CHCHD6: variants seen among roughly 807,000 people sequenced by gnomAD.
The protein encoded by CHCHD6 is MICOS complex subunit MIC25.
CHCHD6 carries 28 observed loss-of-function variants against 32.3 expected under a neutral mutation model. That is an observed-to-expected ratio of 0.87 (90% CI 0.64 to 1.19). The LOEUF (loss-of-function observed/expected upper bound fraction) is 1.19, where lower values mean the gene tolerates loss of function less well. Ranked by LOEUF, CHCHD6 falls within the 50% of genes most tolerant of loss-of-function variation. The pLI is 0.00. For missense variants in CHCHD6, 333 were observed against 307.0 expected (o/e 1.08, Z -0.63); for synonymous variants, 122 against 117.5 (o/e 1.04, Z -0.25).
intron 5 of CHCHD6, among the ~76,000 whole-genome samples, chr3:126,892,511 T>C (rs2107578788): frequency 6.6e-6 from 1 of 152,334 alleles, no homozygotes; most frequent in Admixed American, 6.5e-5. Context: ...GACTTAGAGC[T>C]GCTTCAGCGT....
intron 6 of CHCHD6, among the ~76,000 whole-genome samples, chr3:126,939,969 T>C (rs568893018): frequency 4.2e-4 from 64 of 152,294 alleles, no homozygotes; most frequent in African/African-American, 1.4e-3. Context: ...AAATCTCTCC[T>C]GGAACTGTGC....
Position 126,730,638 on chromosome 3 carries a change from C to T in CHCHD6, c.266+8C>T, listed in dbSNP as rs747673134. The T allele has an allele frequency of 2.2e-5, 36 of 1,612,662 alleles. No homozygotes were observed. In the Admixed American group the frequency reaches 3.5e-4, roughly 16 times the overall value. ...GAAGGAGGGTGTCAAGAGGTGAGCC[C>T]GAGAGCCTGCTTGCTCCCGGCACTG... On this transcript the variant is annotated splice_region_variant and intron_variant, in intron 3 of 7. Coordinates refer to ENST00000290913, the MANE Select transcript of CHCHD6 (RefSeq NM_032343.3).
At chr3:126,831,841 A>G (rs1039723519) in intron 4 of CHCHD6, among the ~76,000 whole-genome samples, 1 of 152,178 alleles carries the variant, frequency 6.6e-6, no homozygotes, top group Non-Finnish European at 1.5e-5. Context: ...TCCAGATGAG[A>G]AGATCGTTGG....
chr3:126,838,653 G>T (rs1011394104), intron 4 of CHCHD6, among the ~76,000 whole-genome samples: 1 of 152,206 alleles, frequency 6.6e-6, no homozygotes, highest in African/African-American at 2.4e-5. Context: ...TTCTTCTTCA[G>T]ACTCATAGTA....
rs902886175 is a variant in CHCHD6 at position 126,823,069 on chromosome 3, C to A, written c.412-29578C>A. On this transcript the variant is annotated intron_variant, in intron 4 of 7. Transcript: ENST00000290913. ...TACAGGCACACATCACCACACCCTG[C>A]CAGTTGTTTTGTTTTGTTTTGTTTG... Among the ~76,000 whole-genome samples, 86 of 152,038 alleles carry A rather than the reference C, an allele frequency of 5.7e-4. 1 individual carries two copies. The highest frequency in any genetic ancestry group is 2.4e-4 in the Non-Finnish European group (16 of 67,946).
intron 5 of CHCHD6, among the ~76,000 whole-genome samples, chr3:126,913,967 C>T (rs1276227016): frequency 1.3e-5 from 2 of 152,230 alleles, no homozygotes; most frequent in African/African-American, 2.4e-5. Context: ...GCCTTCCCTC[C>T]ACAAACCTGG....
intron 1 of CHCHD6, among the ~76,000 whole-genome samples, chr3:126,710,230 C>T (rs565702654): frequency 1.3e-5 from 2 of 152,260 alleles, no homozygotes; most frequent in South Asian, 4.1e-4. Flanking sequence ...ATCTTGGAAC[C>T]TTTGTGAAAA....
intron 4 of CHCHD6, among the ~76,000 whole-genome samples, chr3:126,837,772 G>A (rs909925203): frequency 4.6e-5 from 7 of 152,154 alleles, no homozygotes; most frequent in Non-Finnish European, 7.3e-5. Context: ...CAATATCTAG[G>A]TGTTGCTAAG....
intron 5 of CHCHD6, chr3:126,865,683 TC>T: frequency 4.1e-6 from 4 of 985,322 alleles, no homozygotes; most frequent in Non-Finnish European, 4.8e-6. Context: ...TGCCCCCACT[TC>T]CATTACCACC....
In CHCHD6 at chr3:126,804,241, A is replaced by G. The variant is rs114233263; in HGVS notation, c.412-48406A>G. ...AGCAGAACTGGAGGAAATAGAGACA[A>G]AAAAACCCTTCGAAAAATTAATGAA... On this transcript the variant is annotated intron_variant, in intron 4 of 7. Coordinates refer to ENST00000290913, the MANE Select transcript of CHCHD6 (RefSeq NM_032343.3). Among the ~76,000 whole-genome samples the G allele has an allele frequency of 4.1e-3, 622 of 152,292 alleles. 7 individuals carry two copies. The highest frequency in any genetic ancestry group is 0.015 in the African/African-American group (606 of 41,550).
chr3:126,739,722 C>CT (rs998742268), intron 4 of CHCHD6, among the ~76,000 whole-genome samples: 24 of 152,062 alleles, frequency 1.6e-4, no homozygotes, highest in East Asian at 3.9e-4. Context: ...TTTCATTTGG[C>CT]TTTTTTTTAA....
intron 5 of CHCHD6, among the ~76,000 whole-genome samples, chr3:126,874,753 T>G (rs2077518499): frequency 6.6e-6 from 1 of 152,136 alleles, no homozygotes; most frequent in Non-Finnish European, 1.5e-5. Flanking sequence ...TCCCACAGCT[T>G]CAATAAGTCC....
intron 6 of CHCHD6, among the ~76,000 whole-genome samples, chr3:126,954,625 A>G (rs895566249): frequency 6.6e-6 from 1 of 152,198 alleles, no homozygotes; most frequent in Admixed American, 6.5e-5. Context: ...GCCACTCACC[A>G]TGACACACAG....
chr3:126,910,862 G>T (rs1313918418), intron 5 of CHCHD6, among the ~76,000 whole-genome samples: 2 of 151,942 alleles, frequency 1.3e-5, no homozygotes, highest in African/African-American at 4.8e-5. Flanking sequence ...GAACAAGTGG[G>T]GCACATGTGT....
At chr3:126,841,128 A>C (rs1043437464) in intron 4 of CHCHD6, among the ~76,000 whole-genome samples, 10 of 151,192 alleles carry the variant, frequency 6.6e-5, no homozygotes, top group African/African-American at 2.4e-4. Context: ...CCCACCTATG[A>C]GTGAGAATAT....
At chr3:126,901,310 T>C (rs1333659063) in intron 5 of CHCHD6, among the ~76,000 whole-genome samples, 1 of 152,216 alleles carries the variant, frequency 6.6e-6, no homozygotes, top group Admixed American at 6.5e-5. Context: ...GGAGGCGCTG[T>C]CTGTGTCTCA....
intron 5 of CHCHD6, among the ~76,000 whole-genome samples, chr3:126,907,759 G>A (rs774573772): frequency 4.6e-5 from 7 of 152,200 alleles, no homozygotes; most frequent in Non-Finnish European, 7.3e-5. Flanking sequence ...TTTCCAACCT[G>A]CACTAATTTT....
chr3:126,818,374 T>C (rs1261532094), intron 4 of CHCHD6, among the ~76,000 whole-genome samples: 3 of 152,198 alleles, frequency 2.0e-5, no homozygotes, highest in African/African-American at 7.2e-5. Flanking sequence ...GTTGTGAGCG[T>C]TCCACCCAGA....
At chr3:126,768,800 C>T (rs993205540) in intron 4 of CHCHD6, among the ~76,000 whole-genome samples, 4 of 152,124 alleles carry the variant, frequency 2.6e-5, no homozygotes, top group Admixed American at 1.3e-4. Flanking sequence ...TTTTGATTTG[C>T]ATTTCGTTAA....
Sources: allele counts gnomAD v4.1 joint callset (sites outside exome capture counted in the v4.1 genomes callset), GRCh38; gene constraint gnomAD v4.1.1; transcripts MANE v1.5; gene names NCBI Gene and HGNC (gene_info 2026-07-23, HGNC 2026-07-21).